The following CD22 variants were observed in gnomAD, a reference collection of about 807,000 sequenced individuals.
CD22 encodes CD22 molecule.
A neutral mutation model predicts 94.7 loss-of-function variants in CD22; 51 were observed. The ratio of observed to expected loss-of-function variants is 0.54; its 90% CI spans 0.43 to 0.68. The LOEUF (loss-of-function observed/expected upper bound fraction) is 0.68, where lower values mean the gene tolerates loss of function less well. Among genes scored for constraint, CD22 ranks in the 30% least tolerant of loss-of-function variants. CD22 has a pLI of 0.00. For missense variants in CD22, 931 were observed against 1,060.4 expected, an observed-to-expected ratio of 0.88 and a Z score of 1.69; for synonymous variants, 424 against 422.5, an observed-to-expected ratio of 1.00 and a Z score of -0.04.
Position 35,341,491 on chromosome 19 carries a change from A to G in CD22, c.1656A>G (p.Lys552=). The G allele has an allele frequency of 6.2e-7, 1 of 1,614,172 alleles. No individual in the cohort carries two copies. Residue 552 remains lysine (K), a synonymous_variant, in exon 8 of 14, where the codon AAA becomes AAG. Transcript: ENST00000085219. The surrounding 1 kb of genome is among the most constrained non-coding windows in gnomAD (Gnocchi z 4.0). ...AGAAAAATGGCAGGCTTCTGGGGAA[A>G]GAAAGCCAGCTGAATTTTGACTCCA... ...FWEKNGRLLG[K]ESQLNFDSIS...
chr19:35,342,619 G>A (rs960681838), intron 9 of CD22, among the ~76,000 whole-genome samples: 1 of 151,994 alleles, frequency 6.6e-6, no homozygotes, highest in Non-Finnish European at 1.5e-5. Flanking sequence ...TGCTGGAGGA[G>A]TCGTCTTGTC....
chr19:35,341,254 C>A lies in CD22; in HGVS notation c.1508-89C>A. ...CTTCAACAGAATTGAGGGACAGGAG[C>A]CTGGCGTCAGGGCCAAGGGGAGGGG... On this transcript the variant is annotated intron_variant, in intron 7 of 13. Transcript: ENST00000085219. The surrounding 1 kb of genome is among the most constrained non-coding windows in gnomAD (Gnocchi z 4.0). 1 of 1,593,196 alleles carries A rather than the reference C, an allele frequency of 6.3e-7. No homozygotes were observed. The highest frequency in any genetic ancestry group is 8.6e-7 in the Non-Finnish European group (1 of 1,167,274).
In CD22 at chr19:35,338,259, T is replaced by C. The variant is rs2066754584; in HGVS notation, c.1077T>C (p.Pro359=). 5.0e-6 allele frequency: 8 copies of C among 1,614,186 alleles called. No homozygotes were observed. Among genetic ancestry groups the C allele is most frequent in the Non-Finnish European group, 6.8e-6 (8 of 1,180,036 alleles). Residue 359 remains proline, a synonymous_variant, in exon 6 of 14, where the codon CCT becomes CCC. Coordinates refer to ENST00000085219, the MANE Select transcript of CD22 (RefSeq NM_001771.4). ...VEFLCMSLAN[P]LPTNYTWYHN... is the part of the protein sequence containing the mutation. ...TTCTTTGCATGTCACTGGCCAATCCTCTTCCAACAAATTACACGTGGTACC... is the reference window on the plus strand; with the variant it reads ...TTCTTTGCATGTCACTGGCCAATCCCCTTCCAACAAATTACACGTGGTACC...
At chr19:35,342,096 C>T in intron 9 of CD22, 131 bp downstream of exon 9, 5 of 797,842 alleles carry the variant, frequency 6.3e-6, no homozygotes, top group Non-Finnish European at 9.7e-6. Flanking sequence ...TCTTCCCCTC[C>T]TCCTCCTCTT....
Position 35,341,375 on chromosome 19 carries a change from A to C in CD22, c.1540A>C (p.Lys514Gln). 6.2e-7 allele frequency: 1 copy of C among 1,613,634 alleles called. No individual in the cohort carries two copies. The highest frequency in any genetic ancestry group is 1.3e-5 in the African/African-American group (1 of 74,870). ...CCGAGACGTGAGGGTCCGGAAAATC[A>C]AGCCCCTTTCCGAGATTCACTCTGG... ...APRDVRVRKI[K>Q]PLSEIHSGNS... Residue 514 changes from lysine (K) to glutamine (Q), a missense_variant, in exon 8 of 14, where the codon AAG becomes CAG. Transcript: ENST00000085219. The surrounding 1 kb of genome is among the most constrained non-coding windows in gnomAD (Gnocchi z 4.0).
intron 3 of CD22, among the ~76,000 whole-genome samples, chr19:35,333,883 C>A (rs908035200): frequency 6.6e-6 from 1 of 152,160 alleles, no homozygotes; most frequent in Non-Finnish European, 1.5e-5. Context: ...CGATGGAAAT[C>A]TAGATTTTCC....
At chr19:35,336,448 G>C (rs999331493) in intron 4 of CD22, 107 bp downstream of exon 4, 3 of 1,071,536 alleles carry the variant, frequency 2.8e-6, no homozygotes, top group Non-Finnish European at 4.0e-6. Flanking sequence ...CACAGACGGC[G>C]GCATCCTCCA....
Position 35,341,653 on chromosome 19 carries a change from G to A in CD22, c.1771+47G>A, listed in dbSNP as rs757374559. ...GGAGTGGAGCAGAGAAGGGACCAGT[G>A]GCCTGCCTGGTAGTGACTTCGCACC... On this transcript the variant is annotated intron_variant, in intron 8 of 13. Transcript: ENST00000085219. The surrounding 1 kb of genome is among the most constrained non-coding windows in gnomAD (Gnocchi z 4.0). 2.5e-6 allele frequency: 4 copies of A among 1,606,758 alleles called. No individual in the cohort carries two copies. In the East Asian group the frequency reaches 6.7e-5, roughly 27 times the overall value.
intron 6 of CD22, among the ~76,000 whole-genome samples, chr19:35,338,783 C>G (rs1353954576): frequency 2.0e-5 from 3 of 152,088 alleles, no homozygotes; most frequent in Non-Finnish European, 4.4e-5. Context: ...GCGCCCGCCA[C>G]CACGCCCGGC....
At chr19:35,333,057 G>T in intron 3 of CD22, 133 bp downstream of exon 3, 3 of 895,060 alleles carry the variant, frequency 3.4e-6, no homozygotes, top group Non-Finnish European at 5.0e-6. Context: ...AGCGGATGAC[G>T]ATGGCGATGC....
At chr19:35,344,543 T>C (rs758732019) in intron 9 of CD22, among the ~76,000 whole-genome samples, 3 of 152,250 alleles carry the variant, frequency 2.0e-5, no homozygotes, top group Non-Finnish European at 1.5e-5. Context: ...CACACAGCTA[T>C]ACTGCCGTGA....
At chr19:35,345,323 A>G (rs2066886947) in intron 11 of CD22, 197 bp downstream of exon 11, 1 of 550,388 alleles carries the variant, frequency 1.8e-6, no homozygotes, top group Admixed American at 3.1e-5. Context: ...CGGGAGGCTG[A>G]GGCAGGAGAA....
intron 6 of CD22, among the ~76,000 whole-genome samples, chr19:35,339,633 A>T (rs1484987967): frequency 1.3e-5 from 2 of 152,124 alleles, no homozygotes; most frequent in Non-Finnish European, 2.9e-5. Flanking sequence ...AGGTGGGCAG[A>T]TCACCTGAGG....
At position 35,339,814 on chromosome 19, in the gene CD22, T is replaced by C. The variant is rs2066780948; in HGVS notation, c.1250-1067T>C. Among the ~76,000 whole-genome samples the C allele has an allele frequency of 2.6e-5, 4 of 151,962 alleles. No homozygotes were observed. In the South Asian group the frequency reaches 8.3e-4, roughly 32 times the overall value. On this transcript the variant is annotated intron_variant, in intron 6 of 13. Transcript: ENST00000085219. ...GAGGTTGCAATGAGCTGAGATCATG[T>C]CACTGCACTCTAGCCTGGGTAGAGT...
chr19:35,338,722 C>T (rs960491793), intron 6 of CD22, among the ~76,000 whole-genome samples: 4 of 151,978 alleles, frequency 2.6e-5, no homozygotes, highest in Admixed American at 6.5e-5. Context: ...TCCACCTTCC[C>T]GGGTTCATGC....
Position 35,346,736 on chromosome 19 carries a change from G to C in CD22, c.*39G>C. 1 of 1,557,146 alleles carries C rather than the reference G, an allele frequency of 6.4e-7. No individual in the cohort carries two copies. The highest frequency in any genetic ancestry group is 1.2e-5 in the South Asian group (1 of 82,516). On this transcript the variant is annotated 3_prime_UTR_variant, in exon 14 of 14. Transcript: ENST00000085219. ...GCAGCAGAGGCACTGGGGGCAGCGG[G>C]GGCCAGGGAAGTCCCCGAGTTTCCC... is the stretch of plus-strand genomic sequence containing the variant.
At chr19:35,335,891 C>CA (rs1049921610) in intron 3 of CD22, 145 bp from the exon 4 acceptor site, 6 of 680,702 alleles carry the variant, frequency 8.8e-6, no homozygotes, top group Non-Finnish European at 1.3e-5. Context: ...ACAATAACAA[C>CA]AAAAAAACAA....
rs1163943901 is a variant in CD22 at position 35,338,003 on chromosome 19, G to T, written c.967G>T (p.Val323Leu). The T allele has an allele frequency of 2.5e-6, 4 of 1,612,322 alleles. No homozygotes were observed. In the Admixed American group the frequency reaches 5.0e-5, roughly 20 times the overall value. ...CGTGGGCCCGGGAAGGTCGGAAGAAGTGTTCCTGCAAGTGCAGTGTGAGCC... is the reference window on the plus strand; with the variant it reads ...CGTGGGCCCGGGAAGGTCGGAAGAATTGTTCCTGCAAGTGCAGTGTGAGCC... The part of the protein sequence containing the change: ...NDVGPGRSEE[V>L]FLQVQYAPEP... Residue 323 changes from valine to leucine, a missense_variant, in exon 5 of 14, where the codon GTG (valine) becomes TTG (leucine). By Grantham distance (32) the Val-to-Leu change is conservative. Coordinates refer to ENST00000085219, the MANE Select transcript of CD22 (RefSeq NM_001771.4).
rs2066803072 is a variant in CD22 at position 35,341,225 on chromosome 19, G to A, written c.1507+87G>A. The A allele has an allele frequency of 3.1e-6, 5 of 1,602,184 alleles. No homozygotes were observed. Among genetic ancestry groups the A allele is most frequent in the East Asian group, 4.5e-5 (2 of 44,734 alleles). The stretch of plus-strand genomic sequence containing the variant: ...GGCAACGAGGCCGGAGCCTGGGCCA[G>A]TGTCTTCAACAGAATTGAGGGACAG... On this transcript the variant is annotated intron_variant, in intron 7 of 13. Transcript: ENST00000085219. The surrounding 1 kb of genome is among the most constrained non-coding windows in gnomAD (Gnocchi z 4.0).
Sources: gnomAD v4.1 joint callset for allele counts (sites outside exome capture counted in the v4.1 genomes callset) on GRCh38, gnomAD v4.1.1 for gene constraint, Gnocchi (gnomAD v3.1) non-coding constraint, MANE v1.5 for transcripts, NCBI Gene and HGNC (gene_info 2026-07-23, HGNC 2026-07-21) for gene names.